Variants in VWA3B observed in about 807,000 individuals in gnomAD.
The protein encoded by VWA3B is von Willebrand factor A domain-containing protein 3B.
A neutral mutation model predicts 158.3 loss-of-function variants in VWA3B; 138 were observed. The ratio of observed to expected loss-of-function variants is 0.87; its 90% CI spans 0.76 to 1.00. The LOEUF (loss-of-function observed/expected upper bound fraction) is 1.00. VWA3B is among the 50% of genes least tolerant of loss of function. The pLI is 0.00. For missense variants in VWA3B, 1,555 were observed against 1,565.1 expected (o/e 0.99, Z 0.11); for synonymous variants, 596 against 587.3 (o/e 1.01, Z -0.21).
chr2:98,311,046 A>G (rs1340547352), intron 26 of VWA3B, among the ~76,000 whole-genome samples: 2 of 152,258 alleles, frequency 1.3e-5, no homozygotes, highest in African/African-American at 2.4e-5. Flanking sequence ...GAGTAAAAAC[A>G]AAACAAAAAA....
chr2:98,166,890 C>T (rs963991245), intron 8 of VWA3B, among the ~76,000 whole-genome samples: 2 of 151,838 alleles, frequency 1.3e-5, no homozygotes, highest in African/African-American at 4.8e-5. Context: ...TGTACCATCT[C>T]TATTGAAAAA....
chr2:98,145,851 C>A (rs1677135003), intron 7 of VWA3B, among the ~76,000 whole-genome samples: 1 of 152,098 alleles, frequency 6.6e-6, no homozygotes, highest in Admixed American at 6.6e-5. Context: ...TTCTAAAGCC[C>A]TGGGACTACA....
chr2:98,107,147 T>G (rs1673730337), intron 2 of VWA3B, among the ~76,000 whole-genome samples: 1 of 151,544 alleles, frequency 6.6e-6, no homozygotes, highest in African/African-American at 2.4e-5. Flanking sequence ...GATTATATTA[T>G]TTTTTTTAAT....
At chr2:98,322,243 G>A in the VWA3B span, among the ~76,000 whole-genome samples, 1 of 152,206 alleles carries the variant, frequency 6.6e-6, no homozygotes, top group Non-Finnish European at 1.5e-5. Context: ...CTGCTGGAGA[G>A]TTTATTCTTT....
At chr2:98,169,761 G>C (rs1462386063) in intron 8 of VWA3B, among the ~76,000 whole-genome samples, 2 of 143,412 alleles carry the variant, frequency 1.4e-5, no homozygotes. Flanking sequence ...GTGTGTGTGT[G>C]TCGGTGTGCC....
At chr2:98,282,005 A>G (rs997164830) in intron 22 of VWA3B, among the ~76,000 whole-genome samples, 1 of 152,156 alleles carries the variant, frequency 6.6e-6, no homozygotes, top group African/African-American at 2.4e-5. Context: ...GTTTGCATGT[A>G]TTTTGTGTGC....
At chr2:98,289,264 T>C (rs187214835) in intron 22 of VWA3B, among the ~76,000 whole-genome samples, 1 of 152,328 alleles carries the variant, frequency 6.6e-6, no homozygotes, top group Admixed American at 6.5e-5. Flanking sequence ...TTCTAAGTCC[T>C]CTTTTTTCCT....
At chr2:98,182,233 C>T (rs1163253201) in intron 9 of VWA3B, among the ~76,000 whole-genome samples, 1 of 152,160 alleles carries the variant, frequency 6.6e-6, no homozygotes, top group Non-Finnish European at 1.5e-5. Context: ...GGCTCCGATT[C>T]AAAGTCAGGG....
chr2:98,174,301 G>A (rs181689740), intron 8 of VWA3B, among the ~76,000 whole-genome samples: 159 of 152,244 alleles, frequency 1.0e-3, no homozygotes, highest in African/African-American at 3.6e-3. Flanking sequence ...CCTTAAAAAC[G>A]AACAGTTTGT....
At chr2:98,273,500 T>C (rs1688330254) in intron 22 of VWA3B, among the ~76,000 whole-genome samples, 1 of 152,206 alleles carries the variant, frequency 6.6e-6, no homozygotes, top group South Asian at 2.1e-4. Context: ...TCTCTGTCGA[T>C]TTACCTTCCT....
At position 98,093,134 on chromosome 2, in the gene VWA3B, G is replaced by T; in HGVS notation, c.42G>T (p.Gln14His). The change falls in exon 2 of 28, where the codon CAG becomes CAT. Residue 14 changes from glutamine (Q) to histidine (H), a missense_variant. Transcript: ENST00000477737. ...CATCTTCTACCATCTCTGAGCAGCA[G>T]CTGCAGAGGCAAGAGGGATGGATTA... ...SGPSSTISEQQLQRQEGWINT... is the reference protein window; with the variant it reads ...SGPSSTISEQHLQRQEGWINT... 6.2e-7 allele frequency: 1 copy of T among 1,614,042 alleles called. No individual in the cohort carries two copies. Among genetic ancestry groups the T allele is most frequent in the Non-Finnish European group, 8.5e-7 (1 of 1,179,972 alleles).
chr2:98,103,818 A>C (rs543768011), intron 2 of VWA3B, among the ~76,000 whole-genome samples: 1 of 152,248 alleles, frequency 6.6e-6, no homozygotes, highest in South Asian at 2.1e-4. Context: ...ATATATATTT[A>C]GTGCTTTTTT....
At chr2:98,294,234 G>C (rs1045983031) in intron 23 of VWA3B, among the ~76,000 whole-genome samples, 14 of 120,470 alleles carry the variant, frequency 1.2e-4, no homozygotes, top group African/African-American at 4.5e-4. Flanking sequence ...AAAAAAAGAA[G>C]GCCAAATAAA....
intron 11 of VWA3B, among the ~76,000 whole-genome samples, chr2:98,193,414 G>A (rs552464468): frequency 6.6e-6 from 1 of 152,148 alleles, no homozygotes; most frequent in Non-Finnish European, 1.5e-5. Context: ...GTGTTTAGAA[G>A]CTCCCAGTTC....
Position 98,187,993 on chromosome 2 carries a change from G to A in VWA3B, c.1330G>A (p.Val444Ile). ...QTSAETNKKT[V>I]HAKYCSRFVH... ...TCCTTAGGAGACGAACAAGAAGACA[G>A]TCCATGCAAAATATTGCAGCAGGTT... The change falls in exon 10 of 28, where the codon GTC becomes ATC. Residue 444 changes from valine to isoleucine, a missense_variant. Coordinates refer to ENST00000477737, the MANE Select transcript of VWA3B (RefSeq NM_144992.5). 1 of 1,613,388 alleles carries A rather than the reference G, an allele frequency of 6.2e-7. No individual in the cohort carries two copies. The highest frequency in any genetic ancestry group is 8.5e-7 in the Non-Finnish European group (1 of 1,179,706).
chr2:98,193,611 T>G (rs967008055), intron 11 of VWA3B, among the ~76,000 whole-genome samples: 2 of 151,834 alleles, frequency 1.3e-5, no homozygotes, highest in Non-Finnish European at 2.9e-5. Context: ...TTTTTTTTTT[T>G]TTGAGATGGA....
At chr2:98,093,640 A>AT (rs1235709291) in intron 2 of VWA3B, among the ~76,000 whole-genome samples, 4 of 152,132 alleles carry the variant, frequency 2.6e-5, no homozygotes, top group Non-Finnish European at 5.9e-5. Context: ...TCATATAGTC[A>AT]TTTTTTGTGG....
chr2:98,224,127 G>C (rs975269811), intron 14 of VWA3B, among the ~76,000 whole-genome samples: 1 of 152,136 alleles, frequency 6.6e-6, no homozygotes, highest in Admixed American at 6.6e-5. Context: ...TATTTTCATT[G>C]ATTGTTTACA....
In VWA3B at chr2:98,250,346, A is replaced by G. The variant is rs755794345; in HGVS notation, c.2702A>G (p.Asp901Gly). The G allele has an allele frequency of 3.7e-6, 6 of 1,613,226 alleles. No individual in the cohort carries two copies. In the East Asian group the frequency reaches 1.3e-4, roughly 36 times the overall value. Reference protein sequence around the residue: ...EVFPLAHVCNDTNKMTLINPQ... With the variant: ...EVFPLAHVCNGTNKMTLINPQ... Reference sequence around the variant, plus strand: ...TTCCCTCTGGCACATGTGTGCAACGACACAAATAAGATGACATTAATTAAC... The same window carrying G: ...TTCCCTCTGGCACATGTGTGCAACGGCACAAATAAGATGACATTAATTAAC... Residue 901 changes from aspartate (D) to glycine (G), a missense_variant, in exon 20 of 28, where the codon GAC (aspartate) becomes GGC (glycine). Physicochemically the swap from Asp to Gly is moderately conservative, Grantham distance 94. Coordinates refer to ENST00000477737, the MANE Select transcript of VWA3B (RefSeq NM_144992.5).
Sources: gnomAD v4.1 joint callset for allele counts (sites outside exome capture counted in the v4.1 genomes callset) on GRCh38, gnomAD v4.1.1 for gene constraint, MANE v1.5 for transcripts, NCBI Gene and HGNC (gene_info 2026-07-23, HGNC 2026-07-21) for gene names.